Variants in HARBI1 observed in about 807,000 individuals in gnomAD.
The protein encoded by HARBI1 is harbinger transposase derived 1.
A neutral mutation model predicts 25.3 loss-of-function variants in HARBI1; 15 were observed. The observed-to-expected ratio is 0.59, with a 90% CI of 0.40 to 0.91. HARBI1 has a LOEUF of 0.91. HARBI1 is among the 40% of genes least tolerant of loss of function. HARBI1 has a pLI of 0.00. For synonymous variants in HARBI1, 168 were observed against 160.5 expected (o/e 1.05, Z -0.35); for missense variants, 396 against 445.8 (o/e 0.89, Z 1.01).
intron 1 of HARBI1, 50 bp downstream of exon 1, chr11:46,617,074 T>C (rs1318005934): frequency 1.1e-6 from 1 of 902,516 alleles, no homozygotes; most frequent in East Asian, 1.2e-4. Context: ...AAAACGGATG[T>C]CAAAGTCTGA....
At chr11:46,609,462 T>A (rs1032939505) in intron 2 of HARBI1, among the ~76,000 whole-genome samples, 31 of 152,128 alleles carry the variant, frequency 2.0e-4, no homozygotes, top group Non-Finnish European at 3.1e-4. Flanking sequence ...TTCTCCTGCA[T>A]CAGCCTCCTG....
chr11:46,614,804 T>A (rs751841044), intron 2 of HARBI1, among the ~76,000 whole-genome samples: 1 of 152,186 alleles, frequency 6.6e-6, no homozygotes, highest in Non-Finnish European at 1.5e-5. Context: ...GTTGATTTTT[T>A]AAAAATTAAG....
chr11:46,607,186 T>G (rs1591238543), intron 2 of HARBI1, among the ~76,000 whole-genome samples: 1 of 142,620 alleles, frequency 7.0e-6, no homozygotes, highest in East Asian at 2.0e-4. Context: ...TGTTTGAACC[T>G]GGGAGGTAGA....
upstream of HARBI1, chr11:46,617,645 C>T (rs1224624364): frequency 2.4e-5 from 8 of 333,982 alleles, no homozygotes. Context: ...GACCGCTTAA[C>T]CAGTGAGGGA....
At chr11:46,604,613 A>G in intron 2 of HARBI1, 1 of 985,296 alleles carries the variant, frequency 1.0e-6, no homozygotes. Flanking sequence ...TTCAAGTCTA[A>G]AAGCACTACC....
chr11:46,609,399 T>A (rs1423899354), intron 2 of HARBI1, among the ~76,000 whole-genome samples: 1 of 151,952 alleles, frequency 6.6e-6, no homozygotes, highest in Non-Finnish European at 1.5e-5. Flanking sequence ...CAGGTTGGAA[T>A]GCAGTGGCAG....
chr11:46,607,505 AC>A (rs2135383506), intron 2 of HARBI1, among the ~76,000 whole-genome samples: 1 of 152,316 alleles, frequency 6.6e-6, no homozygotes, highest in East Asian at 1.9e-4. Flanking sequence ...AATACTGAAA[AC>A]TGGAGATGCT....
chr11:46,614,027 T>A (rs1386555406), intron 2 of HARBI1, among the ~76,000 whole-genome samples: 1 of 152,092 alleles, frequency 6.6e-6, no homozygotes, highest in Admixed American at 6.6e-5. Flanking sequence ...CAATAAAAAT[T>A]CTTGTATGCA....
chr11:46,606,853 G>A (rs2044973436), intron 2 of HARBI1, among the ~76,000 whole-genome samples: 1 of 152,132 alleles, frequency 6.6e-6, no homozygotes, highest in African/African-American at 2.4e-5. Context: ...ATGTTGCTAG[G>A]CTGACCCTGA....
chr11:46,604,670 G>C (rs1218348826), intron 2 of HARBI1: 1 of 984,974 alleles, frequency 1.0e-6, no homozygotes, highest in African/African-American at 1.7e-5. Context: ...TATTCTCCCA[G>C]TGCTAAGAAG....
chr11:46,617,865 C>T (rs1436418537), upstream of HARBI1: 1 of 399,050 alleles, frequency 2.5e-6, no homozygotes, highest in Admixed American at 4.4e-5. Flanking sequence ...GAGCCCGGAA[C>T]CACTCTTTGT....
chr11:46,614,552 A>G (rs1351363780), intron 2 of HARBI1, among the ~76,000 whole-genome samples: 1 of 152,142 alleles, frequency 6.6e-6, no homozygotes. Flanking sequence ...TCTGGTCAAC[A>G]TAGTGAGACT....
chr11:46,603,996 G>A, intron 2 of HARBI1, 87 bp from the exon 3 acceptor site: 1 of 1,471,780 alleles, frequency 6.8e-7, no homozygotes, highest in Non-Finnish European at 8.9e-7. Context: ...ACTGACAATG[G>A]ACAAGAAAAT....
chr11:46,617,548 C>T (rs568128728), upstream of HARBI1: 23 of 248,760 alleles, frequency 9.2e-5, 1 homozygote, highest in African/African-American at 2.1e-4. Flanking sequence ...TCACCCCCCC[C>T]CCCCGGCCAT....
chr11:46,611,239 C>T (rs2045171863), intron 2 of HARBI1, among the ~76,000 whole-genome samples: 2 of 152,050 alleles, frequency 1.3e-5, no homozygotes, highest in South Asian at 4.1e-4. Context: ...GATCTCCTGA[C>T]CTCGTGATCC....
In HARBI1 at chr11:46,616,305, A is replaced by G; in HGVS notation, c.-68T>C. 1 of 1,525,566 alleles carries G rather than the reference A, an allele frequency of 6.6e-7. No homozygotes were observed. Among genetic ancestry groups the G allele is most frequent in the Non-Finnish European group, 8.7e-7 (1 of 1,145,102 alleles). The allele number at this position is 1,525,566 out of a possible 1,614,324, so 94.5% of individuals were successfully genotyped here. A position where few individuals can be genotyped will look rare whatever the true frequency, so the allele number is the denominator to read the frequency against. ...TGTTCCCAATGAAGATGTTGGTGCA[A>G]GAACGTATTTTTAAGAAAGTATCAG... On this transcript the variant is annotated 5_prime_UTR_variant, in exon 2 of 3. Transcript: ENST00000326737.
chr11:46,609,295 C>A (rs1221108119), intron 2 of HARBI1, among the ~76,000 whole-genome samples: 1 of 150,944 alleles, frequency 6.6e-6, no homozygotes, highest in African/African-American at 2.4e-5. Context: ...CCTCTGACCT[C>A]GTTATCCACC....
chr11:46,610,065 C>A (rs2045113933), intron 2 of HARBI1, among the ~76,000 whole-genome samples: 1 of 151,132 alleles, frequency 6.6e-6, no homozygotes, highest in African/African-American at 2.4e-5. Context: ...GTTGGCCAGG[C>A]TGGTCTCAAA....
intron 2 of HARBI1, among the ~76,000 whole-genome samples, chr11:46,610,938 C>T (rs1327497115): frequency 6.6e-6 from 1 of 151,258 alleles, no homozygotes; most frequent in African/African-American, 2.4e-5. Flanking sequence ...GAAACACAAG[C>T]GACTTAAATG....
Sources: gnomAD v4.1 joint callset for allele counts (sites outside exome capture counted in the v4.1 genomes callset) on GRCh38, gnomAD v4.1.1 for gene constraint, MANE v1.5 for transcripts, NCBI Gene and HGNC (gene_info 2026-07-23, HGNC 2026-07-21) for gene names.